Variants in ZPBP observed in about 807,000 individuals in gnomAD.
The protein encoded by ZPBP is zona pellucida binding protein.
Under a neutral mutation model 44.8 loss-of-function variants are expected in ZPBP, and 26 were observed. The ratio of observed to expected loss-of-function variants is 0.58; its 90% CI spans 0.43 to 0.81. ZPBP has a LOEUF of 0.81. Among genes scored for constraint, ZPBP ranks in the 30% least tolerant of loss-of-function variants. ZPBP has a pLI of 0.00. For synonymous variants in ZPBP, 174 were observed against 153.2 expected (o/e 1.14, Z -1.00); for missense variants, 409 against 434.0 (o/e 0.94, Z 0.51).
At chr7:50,018,955 C>T (rs527346730) in intron 5 of ZPBP, among the ~76,000 whole-genome samples, 1 of 152,058 alleles carries the variant, frequency 6.6e-6, no homozygotes, top group Admixed American at 6.6e-5. Context: ...GAAATGAGTA[C>T]TGTCTCTGCA....
chr7:50,001,872 G>C (rs577685584), intron 6 of ZPBP, among the ~76,000 whole-genome samples: 2 of 152,248 alleles, frequency 1.3e-5, no homozygotes, highest in South Asian at 4.1e-4. Flanking sequence ...CCTCAGAACT[G>C]TGAGGGTTAT....
chr7:49,953,056 C>G (rs1795415126), intron 7 of ZPBP, among the ~76,000 whole-genome samples: 1 of 151,994 alleles, frequency 6.6e-6, no homozygotes, highest in Non-Finnish European at 1.5e-5. Context: ...AGATGTGAGC[C>G]CTACAATTGT....
At chr7:50,027,129 A>G (rs1454926250) in intron 5 of ZPBP, among the ~76,000 whole-genome samples, 2 of 92,678 alleles carry the variant, frequency 2.2e-5, no homozygotes, top group African/African-American at 4.3e-5. Context: ...GTAAGACCCT[A>G]TTGTTAATAT....
In ZPBP at chr7:49,948,563, A is replaced by T. The variant is rs12333536; in HGVS notation, c.962-10941T>A. On this transcript the variant is annotated intron_variant, in intron 7 of 7. Transcript: ENST00000046087. ...ATTAAAAAATGGGAAGAAGACTTGC[A>T]TAGGTGTTTCTCCAAAGAAGATACA... is the stretch of plus-strand genomic sequence containing the variant. Among the ~76,000 whole-genome samples, 695 of 152,276 alleles carry T rather than the reference A, an allele frequency of 4.6e-3. 4 individuals carry two copies. The highest frequency in any genetic ancestry group is 0.016 in the African/African-American group (657 of 41,570).
intron 3 of ZPBP, among the ~76,000 whole-genome samples, chr7:50,065,623 T>G (rs1316692459): frequency 6.6e-6 from 1 of 150,844 alleles, no homozygotes; most frequent in African/African-American, 2.5e-5. Context: ...GCATTAATTT[T>G]TTTGCCTCCC....
At chr7:49,848,952 A>G (rs1329512278), downstream of ZPBP, among the ~76,000 whole-genome samples, 1 of 152,260 alleles carries the variant, frequency 6.6e-6, no homozygotes, top group East Asian at 1.9e-4. Context: ...TGATAGCACA[A>G]AAAGTTATCT....
intron 3 of ZPBP, among the ~76,000 whole-genome samples, chr7:50,071,866 C>T (rs1380639459): frequency 1.3e-5 from 2 of 152,150 alleles, no homozygotes; most frequent in Non-Finnish European, 2.9e-5. Context: ...TAACCAGCAG[C>T]GATACCCAGG....
intron 2 of ZPBP, among the ~76,000 whole-genome samples, chr7:49,853,943 C>G (rs981456830): frequency 2.0e-5 from 3 of 150,428 alleles, no homozygotes; most frequent in South Asian, 4.2e-4. Flanking sequence ...CAATTCCCAC[C>G]TATGAGTGAG....
At chr7:49,963,365 C>T (rs751353736) in intron 7 of ZPBP, among the ~76,000 whole-genome samples, 45 of 151,574 alleles carry the variant, frequency 3.0e-4, no homozygotes, top group Non-Finnish European at 5.3e-4. Context: ...TATCACTCCA[C>T]GATTTAACTC....
rs755283365 is a variant in ZPBP, at chr7:50,065,718, G to A, written c.335-7577C>T. 1.7e-4 allele frequency among the ~76,000 whole-genome samples: 25 copies of A among 150,828 alleles called. 1 individual carries two copies. The highest frequency in any genetic ancestry group is 2.7e-4 in the Non-Finnish European group (18 of 67,732). On this transcript the variant is annotated intron_variant, in intron 3 of 7. Coordinates refer to ENST00000046087, the MANE Select transcript of ZPBP (RefSeq NM_007009.3). The stretch of plus-strand genomic sequence containing the variant: ...CTGCCAGCTATGTTTTCAGCTAGTT[G>A]AGCAAATATCGTTTTGGTTGATGGG...
In ZPBP at chr7:50,093,245, A is replaced by G; in HGVS notation, c.-51T>C. 1 of 1,461,834 alleles carries G rather than the reference A, an allele frequency of 6.8e-7. No individual in the cohort carries two copies. The highest frequency in any genetic ancestry group is 9.0e-7 in the Non-Finnish European group (1 of 1,113,576). The allele number at this position is 1,461,834 out of a possible 1,614,324, so 90.6% of individuals were successfully genotyped here. A position where few individuals can be genotyped will look rare whatever the true frequency, so the allele number is the denominator to read the frequency against. On this transcript the variant is annotated 5_prime_UTR_variant, in exon 1 of 8. Transcript: ENST00000046087. ...CGTCCGCGCGGAAGGTCGTTAGGCA[A>G]CGCGCGCCCACCTGCAGCCGGAAGT... is the stretch of plus-strand genomic sequence containing the variant.
At chr7:49,903,240 G>T (rs1583798102) in intron 1 of ZPBP, among the ~76,000 whole-genome samples, 1 of 152,156 alleles carries the variant, frequency 6.6e-6, no homozygotes, top group African/African-American at 2.4e-5. Context: ...CAGCAATTGT[G>T]GTAGTTGTAT....
At chr7:49,847,343 T>G (rs1041908685), downstream of ZPBP, among the ~76,000 whole-genome samples, 1 of 152,038 alleles carries the variant, frequency 6.6e-6, no homozygotes, top group Non-Finnish European at 1.5e-5. Flanking sequence ...AATACTGAAA[T>G]TGGCATAATA....
the ZPBP span, among the ~76,000 whole-genome samples, chr7:49,845,345 C>T: frequency 6.6e-6 from 1 of 152,144 alleles, no homozygotes; most frequent in African/African-American, 2.4e-5. Flanking sequence ...GGACTCTATC[C>T]ATCTGTTAAG....
chr7:49,874,667 G>A (rs1017273247), intron 2 of ZPBP, among the ~76,000 whole-genome samples: 1 of 151,980 alleles, frequency 6.6e-6, no homozygotes, highest in African/African-American at 2.4e-5. Flanking sequence ...TTCTTTTCTG[G>A]AATTTATAAA....
At chr7:50,092,004 G>A (rs1387259276) in intron 1 of ZPBP, among the ~76,000 whole-genome samples, 2 of 152,128 alleles carry the variant, frequency 1.3e-5, no homozygotes, top group Admixed American at 1.3e-4. Context: ...TACAGTTACT[G>A]TAGAAAATGA....
chr7:50,032,980 A>G (rs1235976798), intron 4 of ZPBP, among the ~76,000 whole-genome samples: 6 of 152,186 alleles, frequency 3.9e-5, no homozygotes, highest in Admixed American at 3.9e-4. Context: ...TAAAATTGCT[A>G]ATCTAACATG....
chr7:49,868,299 C>T (rs1790998226), intron 2 of ZPBP, among the ~76,000 whole-genome samples: 3 of 152,018 alleles, frequency 2.0e-5, no homozygotes, highest in South Asian at 4.2e-4. Flanking sequence ...CTTTTAAAGC[C>T]GAGACTTGTT....
chr7:49,862,298 GC>G (rs1040987130), intron 2 of ZPBP, among the ~76,000 whole-genome samples: 1 of 149,560 alleles, frequency 6.7e-6, no homozygotes, highest in African/African-American at 2.6e-5. Flanking sequence ...TAGAAAAACA[GC>G]CTTTTTTTGT....
Sources: gnomAD v4.1 joint callset for allele counts (sites outside exome capture counted in the v4.1 genomes callset) on GRCh38, gnomAD v4.1.1 for gene constraint, MANE v1.5 for transcripts, NCBI Gene and HGNC (gene_info 2026-07-23, HGNC 2026-07-21) for gene names.